Variants in SPANXN1 observed in about 807,000 individuals in gnomAD.
SPANXN1 encodes the protein SPANX family member N1, also known as sperm protein associated with the nucleus on the X chromosome N1.
In SPANXN1, 1 loss-of-function variant was observed where a neutral mutation model predicts 2.0. The ratio of observed to expected loss-of-function variants is 0.50; its 90% CI spans 0.18 to 2.36. The LOEUF is 2.36. SPANXN1 is among the 30% of genes most tolerant of loss of function. The pLI is 0.26. For missense variants in SPANXN1, 55 were observed against 51.8 expected (o/e 1.06, Z -0.19); for synonymous variants, 27 against 21.3 (o/e 1.27, Z -0.74).
chrX:145,255,995 G>A lies in SPANXN1; in HGVS notation c.*181G>A, dbSNP rs2070809518. Reference sequence around the variant, plus strand: ...ATCTTCAAAGCAGAATGAAGACCTAGGCTTACCTGAAGGATCTTCAAAGCA... The same window carrying A: ...ATCTTCAAAGCAGAATGAAGACCTAAGCTTACCTGAAGGATCTTCAAAGCA... On this transcript the variant is annotated 3_prime_UTR_variant, in exon 2 of 2. Transcript: ENST00000370493. 5.7e-6 allele frequency: 5 copies of A among 883,269 alleles called. No individual in the cohort carries two copies. In the South Asian group the frequency reaches 1.1e-4, roughly 19 times the overall value. The allele number at this position is 883,269 out of a possible 1,213,427, so 72.8% of individuals were successfully genotyped here.
chrX:145,247,996 G>A (rs111387995), intron 1 of SPANXN1, among the ~76,000 whole-genome samples: 4,739 of 111,925 alleles, frequency 0.042, 246 homozygotes, highest in African/African-American at 0.15. Flanking sequence ...ACCTTTGTCC[G>A]TCTTGTGTTA....
chrX:145,253,804 G>A (rs1329340059), intron 1 of SPANXN1, among the ~76,000 whole-genome samples: 4 of 111,103 alleles, frequency 3.6e-5, no homozygotes, highest in African/African-American at 1.3e-4. Context: ...TGACATATAC[G>A]TCATGCCAGG....
chrX:145,256,177 A>C lies in SPANXN1; in HGVS notation c.*363A>C. 1 of 384,765 alleles carries C rather than the reference A, an allele frequency of 2.6e-6. No individual in the cohort carries two copies. Among genetic ancestry groups the C allele is most frequent in the Non-Finnish European group, 4.6e-6 (1 of 216,742 alleles). The allele number at this position is 384,765 out of a possible 1,213,427, so 31.7% of individuals were successfully genotyped here. On this transcript the variant is annotated 3_prime_UTR_variant, in exon 2 of 2. Transcript: ENST00000370493. ...TTTCAGAAATTACAGAAATTCTCCA[A>C]GGAAGGAGCCAGATAAATAAATATT...
At chrX:145,254,440 G>C (rs1331457804) in intron 1 of SPANXN1, among the ~76,000 whole-genome samples, 2 of 112,280 alleles carry the variant, frequency 1.8e-5, no homozygotes, top group Admixed American at 9.4e-5. Context: ...CTGGAAGAGA[G>C]TGAATATCCC....
chrX:145,249,036 T>C (rs141086132), intron 1 of SPANXN1, among the ~76,000 whole-genome samples: 7,922 of 110,491 alleles, frequency 0.072, 245 homozygotes, highest in East Asian at 0.11. Flanking sequence ...CTGTGTGTGA[T>C]GGTGTGGGTG....
At chrX:145,253,479 G>A (rs1380721452) in intron 1 of SPANXN1, among the ~76,000 whole-genome samples, 1 of 110,872 alleles carries the variant, frequency 9.0e-6, no homozygotes, top group African/African-American at 3.3e-5. Context: ...GAGATAAAGT[G>A]TAAATGGAGG....
At chrX:145,255,003 CACCA>C (rs200428282) in intron 1 of SPANXN1, among the ~76,000 whole-genome samples, 8,858 of 110,956 alleles carry the variant, frequency 0.08, 769 homozygotes, top group African/African-American at 0.25. Flanking sequence ...AGAACCCAAT[CACCA>C]ACCACTCCAG....
At chrX:145,250,192 T>C (rs1428691587) in intron 1 of SPANXN1, among the ~76,000 whole-genome samples, 1 of 112,141 alleles carries the variant, frequency 8.9e-6, no homozygotes, top group Non-Finnish European at 1.9e-5. Flanking sequence ...ATTGTCTGAC[T>C]GGATGCAAGA....
At chrX:145,248,263 C>T (rs1187754549) in intron 1 of SPANXN1, among the ~76,000 whole-genome samples, 14 of 111,374 alleles carry the variant, frequency 1.3e-4, no homozygotes, top group Admixed American at 1.9e-4. Flanking sequence ...GCACTGGTAC[C>T]GGACTTGGCA....
At chrX:145,248,710 G>C (rs1262831848) in intron 1 of SPANXN1, among the ~76,000 whole-genome samples, 9 of 112,140 alleles carry the variant, frequency 8.0e-5, no homozygotes, top group Non-Finnish European at 1.3e-4. Flanking sequence ...AAGTTCAATA[G>C]CTGCCAGCAA....
chrX:145,247,720 G>C (rs1365221126), intron 1 of SPANXN1, 59 bp downstream of exon 1: 43 of 1,121,266 alleles, frequency 3.8e-5, no homozygotes, highest in Non-Finnish European at 5.1e-5. Context: ...ACAGAGAAGG[G>C]ACGGCTCAAA....
Position 145,247,634 on chromosome X carries a change from C to A in SPANXN1, c.48C>A (p.Pro16=). The A allele has an allele frequency of 8.3e-7, 1 of 1,210,102 alleles. No individual in the cohort carries two copies. The highest frequency in any genetic ancestry group is 1.1e-6 in the Non-Finnish European group (1 of 894,333). Reference sequence around the variant, plus strand: ...TCAATGGGGAGAAGAGGAAGAGCCCCTGTGAATCCAACAATGAAAATGATG... The same window carrying A: ...TCAATGGGGAGAAGAGGAAGAGCCCATGTGAATCCAACAATGAAAATGATG... ...SSINGEKRKS[P]CESNNENDEM... The change falls in exon 1 of 2, where the codon CCC becomes CCA. Residue 16 remains proline (P), a synonymous_variant. Transcript: ENST00000370493.
rs1556881967 is a variant in SPANXN1, at chrX:145,247,625, G to A, written c.39G>A (p.Arg13=). Residue 13 remains arginine (R), a synonymous_variant, in exon 1 of 2, where the codon AGG becomes AGA. Coordinates refer to ENST00000370493, the MANE Select transcript of SPANXN1 (RefSeq NM_001009614.3). ...CTTCAAGCATCAATGGGGAGAAGAG[G>A]AAGAGCCCCTGTGAATCCAACAATG... ...QPTSSINGEK[R]KSPCESNNEN... 8.3e-7 allele frequency: 1 copy of A among 1,210,931 alleles called. No homozygotes were observed. The highest frequency in any genetic ancestry group is 1.8e-5 in the South Asian group (1 of 56,957).
At chrX:145,252,069 G>A (rs1273502582) in intron 1 of SPANXN1, among the ~76,000 whole-genome samples, 4 of 111,656 alleles carry the variant, frequency 3.6e-5, no homozygotes, top group Non-Finnish European at 7.5e-5. Flanking sequence ...CTACAGAGAA[G>A]GAGGTCATTG....
chrX:145,249,151 G>T (rs2070774928), intron 1 of SPANXN1, among the ~76,000 whole-genome samples: 1 of 110,971 alleles, frequency 9.0e-6, no homozygotes, highest in African/African-American at 3.3e-5. Context: ...TTTCGACCAG[G>T]TTTATGTGGC....
chrX:145,255,928 A>G lies in SPANXN1; in HGVS notation c.*114A>G. 1 of 1,173,580 alleles carries G rather than the reference A, an allele frequency of 8.5e-7. No homozygotes were observed. The highest frequency in any genetic ancestry group is 1.2e-6 in the Non-Finnish European group (1 of 861,812). On this transcript the variant is annotated 3_prime_UTR_variant, in exon 2 of 2. Coordinates refer to ENST00000370493, the MANE Select transcript of SPANXN1 (RefSeq NM_001009614.3). ...TACCTGAAGGCCTAGACTCAGCTGA[A>G]GGATCTTCAAAGCAGGATGAAGACC...
chrX:145,255,298 G>C (rs1443826641), intron 1 of SPANXN1, among the ~76,000 whole-genome samples: 1 of 111,379 alleles, frequency 9.0e-6, no homozygotes, highest in African/African-American at 3.3e-5. Context: ...TCATTGTGGT[G>C]TTCCTTAGAA....
intron 1 of SPANXN1, among the ~76,000 whole-genome samples, chrX:145,253,400 C>T (rs1279270066): frequency 2.7e-5 from 3 of 110,643 alleles, no homozygotes; most frequent in Non-Finnish European, 5.7e-5. Flanking sequence ...TTGATTAAGT[C>T]TCTTTGGGAG....
Position 145,247,560 on chromosome X carries a change from A to G in SPANXN1, c.-27A>G. 1 of 1,191,478 alleles carries G rather than the reference A, an allele frequency of 8.4e-7. No individual in the cohort carries two copies. The highest frequency in any genetic ancestry group is 1.1e-6 in the Non-Finnish European group (1 of 877,619). Reference sequence around the variant, plus strand: ...AGTCTGGAGTCTACAAGAGCCTACTATAGACATTCTACAACCAACCAGAAT... The same window carrying G: ...AGTCTGGAGTCTACAAGAGCCTACTGTAGACATTCTACAACCAACCAGAAT... On this transcript the variant is annotated 5_prime_UTR_variant, in exon 1 of 2. Transcript: ENST00000370493.
Sources: allele counts gnomAD v4.1 joint callset (sites outside exome capture counted in the v4.1 genomes callset), GRCh38; gene constraint gnomAD v4.1.1; transcripts MANE v1.5; gene names NCBI Gene and HGNC (gene_info 2026-07-23, HGNC 2026-07-21).